WWOX: variants seen among roughly 807,000 people sequenced by gnomAD.
WWOX encodes WW domain-containing oxidoreductase.
WWOX carries 69 observed loss-of-function variants against 46.2 expected under a neutral mutation model. That is an observed-to-expected ratio of 1.49 (90% CI 1.23 to 1.82). WWOX has a LOEUF of 1.82. Ranked by LOEUF, WWOX falls within the 40% of genes most tolerant of loss-of-function variation. WWOX has a pLI of 0.00. For missense variants in WWOX, 919 were observed against 542.6 expected, an observed-to-expected ratio of 1.69 and a Z score of -6.89; for synonymous variants, 359 against 202.6, an observed-to-expected ratio of 1.77 and a Z score of -6.56.
chr16:79,170,238 C>T (rs1309460496), intron 8 of WWOX, among the ~76,000 whole-genome samples: 1 of 152,180 alleles, frequency 6.6e-6, no homozygotes, highest in Non-Finnish European at 1.5e-5. Context: ...CAAACATCAT[C>T]TCATTTAATC....
Position 78,805,888 on chromosome 16 carries a change from T to A in WWOX, c.1056+373136T>A, listed in dbSNP as rs546073643. Among the ~76,000 whole-genome samples, 25 of 152,322 alleles carry A rather than the reference T, an allele frequency of 1.6e-4. No homozygotes were observed. In the East Asian group the frequency reaches 4.1e-3, roughly 25 times the overall value. On this transcript the variant is annotated intron_variant, in intron 8 of 8. Coordinates refer to ENST00000566780, the MANE Select transcript of WWOX (RefSeq NM_016373.4). ...GAGTTTTTTTCTGCCTTGTTGGGTCTTCTTTCTAGCATGCCAGGAACATTT... is the reference window on the plus strand; with the variant it reads ...GAGTTTTTTTCTGCCTTGTTGGGTCATCTTTCTAGCATGCCAGGAACATTT...
At chr16:78,214,832 C>CA (rs34240900) in intron 5 of WWOX, among the ~76,000 whole-genome samples, 17,539 of 146,496 alleles carry the variant, frequency 0.12, 1,131 homozygotes, top group East Asian at 0.26. Context: ...TAAATATTAC[C>CA]AAAAAAAAAA....
At chr16:78,649,220 A>C (rs1597393479) in intron 8 of WWOX, among the ~76,000 whole-genome samples, 2 of 152,072 alleles carry the variant, frequency 1.3e-5, no homozygotes, top group Admixed American at 6.5e-5. Flanking sequence ...CTGGACCTCA[A>C]ATGATCCAAC....
At chr16:78,746,970 C>G (rs1435983589) in intron 8 of WWOX, among the ~76,000 whole-genome samples, 1 of 152,120 alleles carries the variant, frequency 6.6e-6, no homozygotes, top group Non-Finnish European at 1.5e-5. Context: ...AAAATACACG[C>G]TCTTTTCCAG....
At chr16:78,904,746 C>G (rs55760002) in intron 8 of WWOX, among the ~76,000 whole-genome samples, 19,402 of 152,248 alleles carry the variant, frequency 0.13, 1,612 homozygotes, top group Non-Finnish European at 0.17. Flanking sequence ...TATCTATGAT[C>G]TGTCACACTT....
intron 5 of WWOX, among the ~76,000 whole-genome samples, chr16:78,365,140 T>A (rs540662422): frequency 4.6e-5 from 7 of 152,306 alleles, no homozygotes; most frequent in African/African-American, 1.7e-4. Context: ...AATACCTACT[T>A]CTTGAAGATG....
chr16:78,953,083 A>C (rs2046095081), intron 8 of WWOX, among the ~76,000 whole-genome samples: 1 of 151,450 alleles, frequency 6.6e-6, no homozygotes, highest in South Asian at 2.1e-4. Context: ...CTGACCATAT[A>C]CCAACCAAAT....
At chr16:79,109,654 G>T in intron 8 of WWOX, among the ~76,000 whole-genome samples, 1 of 152,080 alleles carries the variant, frequency 6.6e-6, no homozygotes, top group East Asian at 1.9e-4. Flanking sequence ...GAACACTGGG[G>T]TATTTCGCTC....
At chr16:79,088,325 G>C (rs542289656) in intron 8 of WWOX, among the ~76,000 whole-genome samples, 2 of 152,176 alleles carry the variant, frequency 1.3e-5, no homozygotes, top group South Asian at 4.1e-4. Context: ...CTCCAGCACA[G>C]CCATGCAAAA....
chr16:78,622,477 G>T (rs1017731924), intron 8 of WWOX, among the ~76,000 whole-genome samples: 2 of 151,992 alleles, frequency 1.3e-5, no homozygotes, highest in African/African-American at 4.8e-5. Context: ...AGGAGACGGG[G>T]GTTGCAGGGA....
intron 8 of WWOX, among the ~76,000 whole-genome samples, chr16:78,976,631 G>A (rs1353193133): frequency 1.3e-5 from 2 of 152,164 alleles, no homozygotes; most frequent in East Asian, 1.9e-4. Context: ...CCACACCCGC[G>A]AAGATAAGAC....
At chr16:78,866,010 G>A (rs1045838834) in intron 8 of WWOX, among the ~76,000 whole-genome samples, 4 of 152,184 alleles carry the variant, frequency 2.6e-5, no homozygotes, top group Admixed American at 2.6e-4. Flanking sequence ...AAGGGAAGCA[G>A]TTACAGCATT....
rs146764914 is a variant in WWOX, at chr16:78,241,673, C to G, written c.516+77384C>G. Among the ~76,000 whole-genome samples, 341 of 152,272 alleles carry G rather than the reference C, an allele frequency of 2.2e-3. 8 individuals carry two copies. Among genetic ancestry groups the G allele is most frequent in the Admixed American group, 0.017 (254 of 15,290 alleles). On this transcript the variant is annotated intron_variant, in intron 5 of 8. Coordinates refer to ENST00000566780, the MANE Select transcript of WWOX (RefSeq NM_016373.4). The stretch of plus-strand genomic sequence containing the variant: ...CAGGCTGGTCTTGAACTCCTCAGCT[C>G]AAATGATCTGCCCACCTCGGCTTCC...
intron 4 of WWOX, among the ~76,000 whole-genome samples, chr16:78,149,682 C>T (rs1351232898): frequency 6.6e-6 from 1 of 152,170 alleles, no homozygotes; most frequent in Non-Finnish European, 1.5e-5. Context: ...TATACACATG[C>T]CAAGCATGTA....
chr16:78,375,599 T>G lies in WWOX; in HGVS notation c.517-11261T>G, dbSNP rs572365121. Among the ~76,000 whole-genome samples the G allele has an allele frequency of 2.0e-5, 3 of 152,342 alleles. No homozygotes were observed. In the East Asian group the frequency reaches 5.8e-4, roughly 29 times the overall value. The stretch of plus-strand genomic sequence containing the variant: ...TTTTGCTTTTCTTTCATAGTCTCCG[T>G]AGGCTTCTTGGGAATGGAAATTGGT... On this transcript the variant is annotated intron_variant, in intron 5 of 8. Transcript: ENST00000566780.
At chr16:78,734,710 C>G (rs1371881131) in intron 8 of WWOX, among the ~76,000 whole-genome samples, 2 of 152,032 alleles carry the variant, frequency 1.3e-5, no homozygotes, top group Non-Finnish European at 2.9e-5. Flanking sequence ...AATCAGTCAC[C>G]TGATTACAGC....
At chr16:78,616,293 G>T (rs1307606458) in intron 8 of WWOX, among the ~76,000 whole-genome samples, 1 of 152,052 alleles carries the variant, frequency 6.6e-6, no homozygotes, top group Non-Finnish European at 1.5e-5. Context: ...AAATGCCATG[G>T]ACTGAATAAT....
chr16:78,577,606 G>A (rs2044919646), intron 8 of WWOX, among the ~76,000 whole-genome samples: 1 of 152,030 alleles, frequency 6.6e-6, no homozygotes, highest in African/African-American at 2.4e-5. Context: ...ATGCTTTCTG[G>A]GCTTTGGTTC....
intron 6 of WWOX, among the ~76,000 whole-genome samples, chr16:78,400,289 G>T (rs1032648122): frequency 6.6e-6 from 1 of 152,174 alleles, no homozygotes; most frequent in South Asian, 2.1e-4. Flanking sequence ...AAATTACACA[G>T]CTTTGGGAAA....
Sources: gnomAD v4.1 joint callset for allele counts (sites outside exome capture counted in the v4.1 genomes callset) on GRCh38, gnomAD v4.1.1 for gene constraint, MANE v1.5 for transcripts, NCBI Gene and HGNC (gene_info 2026-07-23, HGNC 2026-07-21) for gene names.